Variants in COMMD10 observed in about 807,000 individuals in gnomAD.
COMMD10 encodes COMM domain-containing protein 10.
COMMD10 carries 33 observed loss-of-function variants against 28.9 expected under a neutral mutation model. That is an observed-to-expected ratio of 1.14 (90% CI 0.87 to 1.53). COMMD10 has a LOEUF of 1.53. Ranked by LOEUF, COMMD10 falls within the 40% of genes most tolerant of loss-of-function variation. The probability of loss-of-function intolerance (pLI) is 0.00; values close to 1 mark genes in which losing one functional copy is unlikely to be tolerated. For synonymous variants in COMMD10, 110 were observed against 81.7 expected, an observed-to-expected ratio of 1.35 and a Z score of -1.87; for missense variants, 310 against 233.4, an observed-to-expected ratio of 1.33 and a Z score of -2.14.
intron 5 of COMMD10, among the ~76,000 whole-genome samples, chr5:116,272,484 T>C (rs1340125822): frequency 6.6e-6 from 1 of 151,858 alleles, no homozygotes; most frequent in Non-Finnish European, 1.5e-5. Context: ...GATGTTATCA[T>C]TCTTTGGCCT....
rs147910479 is a variant in COMMD10 at position 116,175,422 on chromosome 5, C to T, written c.510+41244C>T. The stretch of plus-strand genomic sequence containing the variant: ...AATAATGGGTATCCTTGTACATTAC[C>T]GGTGGCAATGAATGTAAAATTGTAT... On this transcript the variant is annotated intron_variant, in intron 5 of 6. Transcript: ENST00000274458. 2.4e-3 allele frequency among the ~76,000 whole-genome samples: 370 copies of T among 152,008 alleles called. 3 individuals carry two copies. The highest frequency in any genetic ancestry group is 8.6e-3 in the African/African-American group (357 of 41,472).
chr5:116,289,299 G>A (rs1474067804), intron 5 of COMMD10, among the ~76,000 whole-genome samples: 1 of 151,710 alleles, frequency 6.6e-6, no homozygotes, highest in Non-Finnish European at 1.5e-5. Flanking sequence ...CCTTTGATTA[G>A]GCCATATTTC....
intron 5 of COMMD10, among the ~76,000 whole-genome samples, chr5:116,146,785 C>G (rs2112545198): frequency 6.6e-6 from 1 of 151,842 alleles, no homozygotes; most frequent in East Asian, 1.9e-4. Context: ...ATACTTGTAA[C>G]TATATATTTC....
In COMMD10 at chr5:116,126,998, A is replaced by G. The variant is rs563106032; in HGVS notation, c.400-7070A>G. 5.9e-5 allele frequency among the ~76,000 whole-genome samples: 9 copies of G among 152,342 alleles called. No homozygotes were observed. The East Asian group carries it at 7.7e-4, about 13-fold the overall frequency. On this transcript the variant is annotated intron_variant, in intron 4 of 6. Coordinates refer to ENST00000274458, the MANE Select transcript of COMMD10 (RefSeq NM_016144.4). The stretch of plus-strand genomic sequence containing the variant: ...TCAGAGTGAACAGGCAACCTACAGA[A>G]TAGGAGAAAATTTTTACAATCTACC...
chr5:116,226,416 C>T (rs1319898754), intron 5 of COMMD10, among the ~76,000 whole-genome samples: 35 of 138,098 alleles, frequency 2.5e-4, no homozygotes, highest in South Asian at 6.7e-4. Context: ...TTGTACTTCC[C>T]TTTTTTTTTT....
intron 1 of COMMD10, 89 bp downstream of exon 1, chr5:116,085,182 G>T: frequency 7.8e-7 from 1 of 1,277,742 alleles, no homozygotes; most frequent in Middle Eastern, 2.5e-4. Flanking sequence ...CCTGCCGCCT[G>T]GGCGCCGCGG....
intron 5 of COMMD10, among the ~76,000 whole-genome samples, chr5:116,164,802 T>C (rs979113215): frequency 3.3e-5 from 5 of 152,328 alleles, no homozygotes; most frequent in Non-Finnish European, 5.9e-5. Flanking sequence ...TTAGGGGGGT[T>C]GTGTTGCACA....
chr5:116,269,726 A>AT (rs1258610814), intron 5 of COMMD10, among the ~76,000 whole-genome samples: 5 of 151,570 alleles, frequency 3.3e-5, no homozygotes, highest in Non-Finnish European at 7.4e-5. Flanking sequence ...GAAAGTATTG[A>AT]TTTTTGCCAA....
At chr5:116,278,095 T>A (rs1333627543) in intron 5 of COMMD10, among the ~76,000 whole-genome samples, 2 of 151,836 alleles carry the variant, frequency 1.3e-5, no homozygotes, top group Non-Finnish European at 2.9e-5. Context: ...TTAAATAATG[T>A]ACCTATTACA....
intron 5 of COMMD10, among the ~76,000 whole-genome samples, chr5:116,267,529 T>C (rs1013084676): frequency 1.3e-5 from 2 of 151,864 alleles, no homozygotes; most frequent in African/African-American, 4.9e-5. Flanking sequence ...CTGCCCAAGG[T>C]AATTTACAGA....
intron 5 of COMMD10, among the ~76,000 whole-genome samples, chr5:116,244,652 A>G (rs1422501): frequency 0.053 from 7,241 of 137,070 alleles, 172 homozygotes; most frequent in East Asian, 0.13. Flanking sequence ...TAAGGAAAAA[A>G]AAAATTACAA....
chr5:116,138,668 A>G (rs1752106174), intron 5 of COMMD10, among the ~76,000 whole-genome samples: 1 of 151,698 alleles, frequency 6.6e-6, no homozygotes, highest in African/African-American at 2.4e-5. Context: ...CCCTGACAGT[A>G]GAATTTTTAT....
At chr5:116,155,079 G>A (rs1256430392) in intron 5 of COMMD10, among the ~76,000 whole-genome samples, 1 of 152,084 alleles carries the variant, frequency 6.6e-6, no homozygotes, top group African/African-American at 2.4e-5. Context: ...GCACACATGA[G>A]ATCCTGGAAA....
At chr5:116,101,716 G>A (rs897865473) in intron 4 of COMMD10, among the ~76,000 whole-genome samples, 18 of 152,128 alleles carry the variant, frequency 1.2e-4, no homozygotes, top group Non-Finnish European at 2.4e-4. Context: ...GAGCCACTGC[G>A]CCCGGACTTT....
At chr5:116,170,522 A>G (rs1753290078) in intron 5 of COMMD10, among the ~76,000 whole-genome samples, 1 of 152,166 alleles carries the variant, frequency 6.6e-6, no homozygotes, top group Admixed American at 6.6e-5. Context: ...GAACCCGTAT[A>G]GCCAAGACAA....
intron 5 of COMMD10, among the ~76,000 whole-genome samples, chr5:116,158,862 T>TC (rs58244066): frequency 2.7e-4 from 41 of 151,150 alleles, no homozygotes; most frequent in Non-Finnish European, 5.2e-4. Context: ...TTTTTTTTTT[T>TC]CCCCCCCTGA....
rs770867874 is a variant in COMMD10 at position 116,087,489 on chromosome 5, T to A, written c.42-8T>A. 6.4e-7 allele frequency: 1 copy of A among 1,569,180 alleles called. No individual in the cohort carries two copies. Among genetic ancestry groups the A allele is most frequent in the African/African-American group, 1.4e-5 (1 of 74,036 alleles). ...CATTTCAAAACTCTGTTTTATAATT[T>A]TGTTTAGCATGAAGAAAGCAGTGTC... On this transcript the variant is annotated splice_region_variant and splice_polypyrimidine_tract_variant and intron_variant, in intron 1 of 6. Coordinates refer to ENST00000274458, the MANE Select transcript of COMMD10 (RefSeq NM_016144.4).
chr5:116,141,519 T>C (rs1400051843), intron 5 of COMMD10, among the ~76,000 whole-genome samples: 3 of 151,950 alleles, frequency 2.0e-5, no homozygotes, highest in African/African-American at 7.2e-5. Context: ...ATTTTAACAA[T>C]GTTAATTCTT....
At chr5:116,131,110 A>G (rs891818746) in intron 4 of COMMD10, among the ~76,000 whole-genome samples, 1 of 151,892 alleles carries the variant, frequency 6.6e-6, no homozygotes, top group African/African-American at 2.4e-5. Context: ...GGTGCCACTA[A>G]CTCAATATTT....
Sources: allele counts gnomAD v4.1 joint callset (sites outside exome capture counted in the v4.1 genomes callset), GRCh38; gene constraint gnomAD v4.1.1; transcripts MANE v1.5; gene names NCBI Gene and HGNC (gene_info 2026-07-23, HGNC 2026-07-21).